The following ADK variants were observed in gnomAD, a reference collection of about 807,000 sequenced individuals.
The protein encoded by ADK is adenosine kinase, also known as N6,N6-dimethyladenosine kinase.
In ADK, 24 loss-of-function variants were observed where a neutral mutation model predicts 44.7. The observed-to-expected ratio is 0.54, with a 90% CI of 0.39 to 0.76. ADK has a LOEUF of 0.76. ADK is among the 30% of genes least tolerant of loss of function. The pLI, the probability that ADK is intolerant of heterozygous loss-of-function variation, is 0.00. For synonymous variants in ADK, 128 were observed against 142.6 expected, an observed-to-expected ratio of 0.90 and a Z score of 0.73; for missense variants, 321 against 425.1, an observed-to-expected ratio of 0.76 and a Z score of 2.15.
rs148075074 is a variant in ADK at position 74,305,099 on chromosome 10, A to G, written c.195-9568A>G. Among the ~76,000 whole-genome samples the G allele has an allele frequency of 6.7e-3, 1,022 of 152,324 alleles. 9 individuals are homozygous for G. Among genetic ancestry groups the G allele is most frequent in the Middle Eastern group, 0.031 (9 of 294 alleles). On this transcript the variant is annotated intron_variant, in intron 3 of 10. Transcript: ENST00000539909. The stretch of plus-strand genomic sequence containing the variant: ...TTACTTATAATACCTAATATAATGT[A>G]AATGCTGTGTAAGTAGTTGTTATAC...
intron 4 of ADK, among the ~76,000 whole-genome samples, chr10:74,317,700 C>G (rs1428992962): frequency 6.6e-6 from 1 of 152,110 alleles, no homozygotes; most frequent in Admixed American, 6.6e-5. Context: ...ATGCCCATCT[C>G]TGATTTGGCA....
At chr10:74,420,260 G>C (rs1281433949) in intron 6 of ADK, among the ~76,000 whole-genome samples, 1 of 152,094 alleles carries the variant, frequency 6.6e-6, no homozygotes, top group African/African-American at 2.4e-5. Context: ...TTGGGGTCAG[G>C]AAGGGGAAAG....
intron 9 of ADK, among the ~76,000 whole-genome samples, chr10:74,640,060 T>C (rs1853786133): frequency 6.6e-6 from 1 of 152,240 alleles, no homozygotes; most frequent in Admixed American, 6.5e-5. Context: ...TACTACTGGC[T>C]GAAGCTCTGG....
intron 6 of ADK, among the ~76,000 whole-genome samples, chr10:74,434,402 C>T (rs1014536709): frequency 7.2e-5 from 11 of 152,108 alleles, no homozygotes; most frequent in African/African-American, 2.7e-4. Flanking sequence ...CAAGTTTACA[C>T]CCCCTTCCAG....
intron 7 of ADK, among the ~76,000 whole-genome samples, chr10:74,563,535 A>G (rs768560240): frequency 2.0e-5 from 3 of 152,240 alleles, no homozygotes; most frequent in Admixed American, 6.5e-5. Context: ...TCTAGTCATT[A>G]TAAAATGTCC....
At chr10:74,658,019 G>A (rs1437248385) in intron 9 of ADK, among the ~76,000 whole-genome samples, 1 of 152,130 alleles carries the variant, frequency 6.6e-6, no homozygotes, top group African/African-American at 2.4e-5. Flanking sequence ...TCATGAGTAT[G>A]ACCAAAGAGT....
At chr10:74,670,665 C>G (rs576832592) in intron 10 of ADK, among the ~76,000 whole-genome samples, 6 of 152,204 alleles carry the variant, frequency 3.9e-5, no homozygotes, top group African/African-American at 4.8e-5. Flanking sequence ...AGGATGATGT[C>G]TTTTGATGAT....
intron 6 of ADK, among the ~76,000 whole-genome samples, chr10:74,492,437 T>A (rs1029034794): frequency 4.0e-5 from 6 of 151,262 alleles, no homozygotes; most frequent in African/African-American, 2.4e-5. Flanking sequence ...CTCTGTCTCT[T>A]AAAAAAAAGA....
intron 3 of ADK, among the ~76,000 whole-genome samples, chr10:74,307,428 C>G (rs918765523): frequency 1.3e-5 from 2 of 152,170 alleles, no homozygotes; most frequent in Non-Finnish European, 2.9e-5. Flanking sequence ...TTCTGGCCTG[C>G]CCCTGTGAAC....
intron 6 of ADK, among the ~76,000 whole-genome samples, chr10:74,437,405 G>C (rs1034231287): frequency 1.3e-5 from 2 of 152,098 alleles, no homozygotes; most frequent in East Asian, 3.9e-4. Flanking sequence ...TATGCAAATA[G>C]ACTTCTTAAT....
chr10:74,206,825 C>T (rs1261354026), intron 2 of ADK, among the ~76,000 whole-genome samples: 1 of 152,146 alleles, frequency 6.6e-6, no homozygotes, highest in African/African-American at 2.4e-5. Flanking sequence ...GACTTGGCAG[C>T]TGTGTGATGA....
chr10:74,399,888 T>G (rs1353767385), intron 6 of ADK, among the ~76,000 whole-genome samples: 1 of 152,144 alleles, frequency 6.6e-6, no homozygotes, highest in Non-Finnish European at 1.5e-5. Flanking sequence ...TGTTTCAATA[T>G]ATAGTTGTTC....
At chr10:74,648,436 T>A (rs944426281) in intron 9 of ADK, among the ~76,000 whole-genome samples, 1 of 152,094 alleles carries the variant, frequency 6.6e-6, no homozygotes, top group Non-Finnish European at 1.5e-5. Context: ...TCCCAGCACT[T>A]TGGGAGGCCA....
chr10:74,265,266 A>C (rs1846172928), intron 3 of ADK, among the ~76,000 whole-genome samples: 1 of 150,886 alleles, frequency 6.6e-6, no homozygotes, highest in African/African-American at 2.4e-5. Flanking sequence ...ACCAGGCTGG[A>C]GTGCAGTGGT....
At chr10:74,559,534 GT>G (rs1850381746) in intron 7 of ADK, among the ~76,000 whole-genome samples, 1 of 152,138 alleles carries the variant, frequency 6.6e-6, no homozygotes, top group African/African-American at 2.4e-5. Flanking sequence ...TGTGTAAATA[GT>G]TCTATAGGCT....
At chr10:74,670,143 A>G in intron 9 of ADK, 40 bp from the exon 10 acceptor site, 2 of 1,508,504 alleles carry the variant, frequency 1.3e-6, no homozygotes, top group South Asian at 1.1e-5. Flanking sequence ...TGAGTGTTAC[A>G]AAGAGAAGTC....
chr10:74,321,373 TC>T (rs1840803082), intron 4 of ADK, among the ~76,000 whole-genome samples: 1 of 152,122 alleles, frequency 6.6e-6, no homozygotes, highest in Non-Finnish European at 1.5e-5. Context: ...ATCCTTGACC[TC>T]CTGGGCTCAA....
In ADK at chr10:74,573,372, T is replaced by C. The variant is rs1589260808; in HGVS notation, c.727-15910T>C. ...TGATTGTTCCTCTGGAATTTTTGTCTCAGAGGAGTGCCCGGCCGTGTGAGG... is the reference window on the plus strand; with the variant it reads ...TGATTGTTCCTCTGGAATTTTTGTCCCAGAGGAGTGCCCGGCCGTGTGAGG... On this transcript the variant is annotated intron_variant, in intron 7 of 10. Coordinates refer to ENST00000539909, the MANE Select transcript of ADK (RefSeq NM_006721.4). Among the ~76,000 whole-genome samples, 5 of 152,282 alleles carry C rather than the reference T, an allele frequency of 3.3e-5. 1 individual carries two copies. The highest frequency in any genetic ancestry group is 1.2e-4 in the African/African-American group (5 of 41,556).
intron 8 of ADK, among the ~76,000 whole-genome samples, chr10:74,597,048 T>C (rs1564811458): frequency 6.6e-6 from 1 of 152,348 alleles, no homozygotes; most frequent in East Asian, 1.9e-4. Flanking sequence ...TTATAGATAC[T>C]ATAATTGAAT....
Sources: allele counts gnomAD v4.1 joint callset (sites outside exome capture counted in the v4.1 genomes callset), GRCh38; gene constraint gnomAD v4.1.1; transcripts MANE v1.5; gene names NCBI Gene and HGNC (gene_info 2026-07-23, HGNC 2026-07-21).